Variants in GSS observed in about 807,000 individuals in gnomAD.
The protein encoded by GSS is glutathione synthetase.
GSS carries 34 observed loss-of-function variants against 60.4 expected under a neutral mutation model. The ratio of observed to expected loss-of-function variants is 0.56; its 90% confidence interval spans 0.43 to 0.75. GSS has a LOEUF of 0.75. Ranked by LOEUF, GSS falls within the 30% of genes least tolerant of loss-of-function variation. The pLI is 0.00. For synonymous variants in GSS, 224 were observed against 239.0 expected (o/e 0.94, Z 0.58); for missense variants, 499 against 595.1 (o/e 0.84, Z 1.68).
intron 3 of GSS, among the ~76,000 whole-genome samples, chr20:34,944,860 T>C (rs1332038761): frequency 1.3e-5 from 2 of 152,160 alleles, no homozygotes; most frequent in Non-Finnish European, 2.9e-5. Flanking sequence ...AGTCATGTGG[T>C]GTTCAACAAG....
intron 1 of GSS, chr20:34,952,330 A>C (rs2081575585): frequency 5.0e-6 from 1 of 200,528 alleles, no homozygotes; most frequent in Non-Finnish European, 1.0e-5. Flanking sequence ...ATCAGTTTCC[A>C]AACCTGGCTG....
intron 1 of GSS, among the ~76,000 whole-genome samples, chr20:34,953,798 GTAGAGA>G (rs2081588422): frequency 6.6e-6 from 1 of 151,972 alleles, no homozygotes; most frequent in African/African-American, 2.4e-5. Context: ...TGTATTTTTA[GTAGAGA>G]CGGGGTTTCA....
At chr20:34,938,338 G>T (rs535076647) in intron 6 of GSS, among the ~76,000 whole-genome samples, 57 of 152,274 alleles carry the variant, frequency 3.7e-4, no homozygotes, top group African/African-American at 1.3e-3. Context: ...TCTAAACTCT[G>T]TTTGCCTGAC....
intron 6 of GSS, among the ~76,000 whole-genome samples, chr20:34,938,978 C>A (rs1569012838): frequency 6.6e-6 from 1 of 152,170 alleles, no homozygotes. Flanking sequence ...TGGTAGCTCA[C>A]GCCTATAGTC....
At chr20:34,937,718 G>C (rs1342951736) in intron 6 of GSS, among the ~76,000 whole-genome samples, 1 of 152,164 alleles carries the variant, frequency 6.6e-6, no homozygotes, top group Non-Finnish European at 1.5e-5. Context: ...TGAGGGCTCA[G>C]GGAAAAGCTT....
chr20:34,935,546 G>T lies in GSS; in HGVS notation c.834+30C>A, dbSNP rs780105536. 9.3e-6 allele frequency: 14 copies of T among 1,504,626 alleles called. No homozygotes were observed. The Middle Eastern group carries it at 5.5e-4, about 59-fold the overall frequency. The allele number at this position is 1,504,626 out of a possible 1,614,324, so 93.2% of individuals were successfully genotyped here. A position where few individuals can be genotyped will look rare whatever the true frequency, so the allele number is the denominator to read the frequency against. On this transcript the variant is annotated intron_variant, in intron 9 of 12. Coordinates refer to ENST00000651619, the MANE Select transcript of GSS (RefSeq NM_000178.4). ...GTGGAGCTCTTGTGGGTCCCAGGAG[G>T]CAAAGAATGGTCTCACAGAAAATAC...
chr20:34,943,647 C>G (rs1015987027), intron 3 of GSS, among the ~76,000 whole-genome samples: 9 of 152,164 alleles, frequency 5.9e-5, no homozygotes, highest in African/African-American at 2.2e-4. Context: ...GGAAGCCTTC[C>G]CTATCTGAGT....
intron 9 of GSS, 91 bp from the exon 10 acceptor site, chr20:34,932,224 G>T: frequency 1.0e-6 from 1 of 971,290 alleles, no homozygotes; most frequent in Non-Finnish European, 1.7e-6. Flanking sequence ...CAGGTATCAT[G>T]ATTTGTATCT....
At chr20:34,934,550 T>G (rs1269428777) in intron 9 of GSS, among the ~76,000 whole-genome samples, 1 of 152,174 alleles carries the variant, frequency 6.6e-6, no homozygotes, top group Non-Finnish European at 1.5e-5. Flanking sequence ...GTGCTGGGAT[T>G]ATAGGCGTGA....
chr20:34,931,582 C>A (rs939683012), intron 10 of GSS, 165 bp from the exon 11 acceptor site: 15 of 700,050 alleles, frequency 2.1e-5, no homozygotes, highest in South Asian at 9.2e-5. Context: ...TCCCAACAAA[C>A]CCCCTGCAGC....
At chr20:34,932,999 C>A (rs6087652) in intron 9 of GSS, among the ~76,000 whole-genome samples, 82,277 of 151,824 alleles carry the variant, frequency 0.54, 23,020 homozygotes, top group South Asian at 0.73. Flanking sequence ...GTGCACGCCA[C>A]CACACCCAGC....
intron 1 of GSS, chr20:34,954,532 C>A (rs2081601516): frequency 2.2e-5 from 3 of 135,822 alleles, no homozygotes; most frequent in South Asian, 2.3e-4. Flanking sequence ...CCAGCCTGGG[C>A]AACAAGAGCA....
intron 2 of GSS, among the ~76,000 whole-genome samples, chr20:34,947,249 A>AG (rs1477463141): frequency 6.6e-6 from 1 of 151,982 alleles, no homozygotes; most frequent in East Asian, 1.9e-4. Flanking sequence ...CACCACACCC[A>AG]GGTAATTTTT....
chr20:34,955,891 A>C (rs34293667), upstream of GSS: 1 of 152,378 alleles, frequency 6.6e-6, no homozygotes, highest in Non-Finnish European at 1.5e-5. Context: ...AGTCGAGGCC[A>C]GGAAGGGGCG....
intron 1 of GSS, 135 bp from the exon 2 acceptor site, chr20:34,951,995 T>C (rs1600393157): frequency 2.4e-6 from 2 of 839,906 alleles, no homozygotes; most frequent in East Asian, 5.2e-5. Context: ...TATACAGGAG[T>C]GAACACTGGC....
chr20:34,951,977 C>G (rs1371465299), intron 1 of GSS, 117 bp from the exon 2 acceptor site: 1 of 1,022,394 alleles, frequency 9.8e-7, no homozygotes, highest in Admixed American at 1.8e-5. Flanking sequence ...TGGAAGGGAA[C>G]AGCGTGGTAT....
chr20:34,952,070 C>T, intron 1 of GSS: 1 of 608,154 alleles, frequency 1.6e-6, no homozygotes, highest in Non-Finnish European at 3.0e-6. Context: ...ATTTCCATTG[C>T]CACTCTCTCT....
chr20:34,942,518 C>A lies in GSS; in HGVS notation c.461G>T (p.Gly154Val). 1 of 1,613,822 alleles carries A rather than the reference C, an allele frequency of 6.2e-7. No individual in the cohort carries two copies. The highest frequency in any genetic ancestry group is 1.3e-5 in the African/African-American group (1 of 75,016). Reference sequence around the variant, plus strand: ...CACAGCTGGGGTCCGGGAGGCCAGGCCCCCAAAGCTGGCAGAGATGGTGTT... The same window carrying A: ...CACAGCTGGGGTCCGGGAGGCCAGGACCCCAAAGCTGGCAGAGATGGTGTT... ...EINTISASFG[G>V]LASRTPAVHR... Residue 154 changes from glycine to valine, a missense_variant, in exon 5 of 13, where the codon GGC (glycine) becomes GTC (valine). Coordinates refer to ENST00000651619, the MANE Select transcript of GSS (RefSeq NM_000178.4).
At chr20:34,941,162 A>C (rs113594248) in intron 6 of GSS, among the ~76,000 whole-genome samples, 5 of 152,178 alleles carry the variant, frequency 3.3e-5, no homozygotes, top group East Asian at 1.9e-4. Flanking sequence ...CGAGACCAGC[A>C]TGACCAACAT....
Sources: gnomAD v4.1 joint callset for allele counts (sites outside exome capture counted in the v4.1 genomes callset) on GRCh38, gnomAD v4.1.1 for gene constraint, MANE v1.5 for transcripts, NCBI Gene and HGNC (gene_info 2026-07-23, HGNC 2026-07-21) for gene names.